Variants in ACYP2 observed in about 807,000 individuals in gnomAD.
The protein encoded by ACYP2 is acylphosphatase 2.
A neutral mutation model predicts 11.2 loss-of-function variants in ACYP2; 12 were observed. The observed-to-expected ratio is 1.08, with a 90% CI of 0.69 to 1.74. The LOEUF (loss-of-function observed/expected upper bound fraction) is 1.74, where lower values mean the gene tolerates loss of function less well. Among genes scored for constraint, ACYP2 ranks in the 40% most tolerant of loss-of-function variants. The probability of loss-of-function intolerance (pLI) is 0.00; values close to 1 mark genes in which losing one functional copy is unlikely to be tolerated. For synonymous variants in ACYP2, 43 were observed against 32.2 expected (o/e 1.33, Z -1.13); for missense variants, 134 against 101.9 (o/e 1.31, Z -1.35).
At chr2:54,302,635 T>A (rs952222485) in intron 6 of ACYP2, among the ~76,000 whole-genome samples, 1 of 152,202 alleles carries the variant, frequency 6.6e-6, no homozygotes, top group Non-Finnish European at 1.5e-5. Flanking sequence ...TAGGTCCAAC[T>A]GCCTACTCAC....
chr2:54,158,195 T>G (rs1558576322), intron 6 of ACYP2, among the ~76,000 whole-genome samples: 1 of 115,870 alleles, frequency 8.6e-6, no homozygotes, highest in Non-Finnish European at 1.9e-5. Context: ...CCAGTTAACT[T>G]TGTTTTTTTT....
At chr2:54,051,476 C>G (rs1675863636) in intron 3 of ACYP2, 1 of 693,718 alleles carries the variant, frequency 1.4e-6, no homozygotes, top group Non-Finnish European at 2.6e-6. Flanking sequence ...TTTGAGGATC[C>G]CAGTGCACCC....
At chr2:54,148,665 G>T (rs933489213) in intron 6 of ACYP2, among the ~76,000 whole-genome samples, 1 of 152,120 alleles carries the variant, frequency 6.6e-6, no homozygotes, top group Non-Finnish European at 1.5e-5. Flanking sequence ...ATACATGGAT[G>T]GGATTATCCA....
At chr2:54,080,805 T>TA (rs1677607192) in intron 4 of ACYP2, among the ~76,000 whole-genome samples, 1 of 152,040 alleles carries the variant, frequency 6.6e-6, no homozygotes, top group Non-Finnish European at 1.5e-5. Flanking sequence ...TTTCCCTTTT[T>TA]AATAGAGACA....
intron 4 of ACYP2, among the ~76,000 whole-genome samples, chr2:54,128,405 T>A (rs1002947823): frequency 2.6e-5 from 4 of 152,146 alleles, no homozygotes; most frequent in African/African-American, 9.7e-5. Context: ...TAGTGGCTCA[T>A]GCTTGTAATC....
intron 6 of ACYP2, among the ~76,000 whole-genome samples, chr2:54,239,720 T>C (rs901844598): frequency 2.6e-5 from 4 of 152,172 alleles, no homozygotes; most frequent in African/African-American, 9.7e-5. Context: ...TAAAATTTAA[T>C]ATGATTCTTA....
chr2:54,140,727 T>C (rs1681556851), intron 6 of ACYP2, among the ~76,000 whole-genome samples: 1 of 152,202 alleles, frequency 6.6e-6, no homozygotes, highest in African/African-American at 2.4e-5. Flanking sequence ...TATTCCACAA[T>C]ATATAGATTT....
At chr2:54,208,774 A>G (rs1297560349) in intron 6 of ACYP2, among the ~76,000 whole-genome samples, 1 of 152,102 alleles carries the variant, frequency 6.6e-6, no homozygotes, top group Non-Finnish European at 1.5e-5. Flanking sequence ...TGTCATATGC[A>G]TACAGTATTA....
At chr2:54,110,262 A>C (rs1393843456) in intron 4 of ACYP2, among the ~76,000 whole-genome samples, 4 of 151,502 alleles carry the variant, frequency 2.6e-5, no homozygotes, top group Admixed American at 6.6e-5. Flanking sequence ...GCCAACCCTG[A>C]GGATTTTAAA....
Position 54,249,608 on chromosome 2 carries a change from T to A in ACYP2, c.405-55080T>A, listed in dbSNP as rs552485779. ...AACTTATATTTAAGGGGTAGGTAAA[T>A]CTTCATATTTAGAAGAGATTATGTT... On this transcript the variant is annotated intron_variant, in intron 6 of 6. Coordinates refer to ENST00000607452, the MANE Select transcript of ACYP2 (RefSeq NM_001320586.2). 3.3e-5 allele frequency among the ~76,000 whole-genome samples: 5 copies of A among 152,126 alleles called. No homozygotes were observed. The East Asian group carries it at 9.7e-4, about 29-fold the overall frequency.
chr2:54,136,933 G>T (rs769695057), intron 5 of ACYP2, among the ~76,000 whole-genome samples: 1 of 152,044 alleles, frequency 6.6e-6, no homozygotes, highest in Non-Finnish European at 1.5e-5. Context: ...CCGAGATGGC[G>T]CCACTGCACT....
intron 4 of ACYP2, among the ~76,000 whole-genome samples, chr2:54,086,840 A>G (rs997250090): frequency 2.0e-5 from 3 of 152,242 alleles, no homozygotes; most frequent in Non-Finnish European, 4.4e-5. Context: ...ATATTAAATT[A>G]TCTTCTTCAG....
intron 6 of ACYP2, among the ~76,000 whole-genome samples, chr2:54,224,819 A>G (rs1243100629): frequency 6.6e-6 from 1 of 152,152 alleles, no homozygotes; most frequent in Non-Finnish European, 1.5e-5. Context: ...TGCCCTCCCT[A>G]CCTTAAAACG....
intron 4 of ACYP2, among the ~76,000 whole-genome samples, chr2:54,135,170 C>G (rs1681148072): frequency 6.6e-6 from 1 of 152,190 alleles, no homozygotes; most frequent in Non-Finnish European, 1.5e-5. Flanking sequence ...AAGAGAGTGT[C>G]TACAGTGTGG....
intron 6 of ACYP2, among the ~76,000 whole-genome samples, chr2:54,228,909 TAAAATCAGAGC>T (rs1686116725): frequency 1.3e-5 from 2 of 152,206 alleles, no homozygotes; most frequent in South Asian, 4.2e-4. Flanking sequence ...TGGACTGGAA[TAAAATCAGAGC>T]AAAATCAGAG....
intron 6 of ACYP2, among the ~76,000 whole-genome samples, chr2:54,246,076 CTATT>C (rs1216830152): frequency 6.6e-6 from 1 of 152,088 alleles, no homozygotes; most frequent in African/African-American, 2.4e-5. Context: ...CTGCATGTGG[CTATT>C]TAGTTTTCCC....
chr2:54,029,664 G>A, intron 2 of ACYP2: 3 of 432,498 alleles, frequency 6.9e-6, no homozygotes, highest in Non-Finnish European at 4.4e-6. Context: ...CTCTTAGCTT[G>A]TAGAGTGCTT....
chr2:54,244,969 C>T (rs1402143167), intron 6 of ACYP2, among the ~76,000 whole-genome samples: 1 of 152,130 alleles, frequency 6.6e-6, no homozygotes, highest in African/African-American at 2.4e-5. Context: ...TGCTATAAAA[C>T]AGAACTTATT....
At chr2:54,162,374 C>T (rs1217317539) in intron 6 of ACYP2, among the ~76,000 whole-genome samples, 2 of 152,136 alleles carry the variant, frequency 1.3e-5, no homozygotes, top group African/African-American at 4.8e-5. Flanking sequence ...GCTGCTGCTT[C>T]TTTTTCTTTT....
Sources: allele counts gnomAD v4.1 joint callset (sites outside exome capture counted in the v4.1 genomes callset), GRCh38; gene constraint gnomAD v4.1.1; transcripts MANE v1.5; gene names NCBI Gene and HGNC (gene_info 2026-07-23, HGNC 2026-07-21).